Variants in AKAP10 observed in about 807,000 individuals in gnomAD.
AKAP10 encodes A-kinase anchoring protein 10.
AKAP10 carries 24 observed loss-of-function variants against 80.8 expected under a neutral mutation model. That is an observed-to-expected ratio of 0.30 (90% CI 0.22 to 0.42). The LOEUF is 0.42. Among genes scored for constraint, AKAP10 ranks in the 10% least tolerant of loss-of-function variants. The probability of loss-of-function intolerance (pLI) is 1.00; values close to 1 mark genes in which losing one functional copy is unlikely to be tolerated. For synonymous variants in AKAP10, 291 were observed against 277.7 expected (o/e 1.05, Z -0.48); for missense variants, 661 against 794.9 (o/e 0.83, Z 2.03).
At chr17:19,933,320 A>G (rs1028093767) in intron 9 of AKAP10, among the ~76,000 whole-genome samples, 2 of 152,118 alleles carry the variant, frequency 1.3e-5, no homozygotes, top group Admixed American at 6.6e-5. Flanking sequence ...TGCCCGGCCA[A>G]TATGTACCTT....
intron 8 of AKAP10, among the ~76,000 whole-genome samples, 200 bp from the exon 9 acceptor site, chr17:19,936,630 T>C (rs1339715569): frequency 6.6e-6 from 1 of 152,228 alleles, no homozygotes; most frequent in Non-Finnish European, 1.5e-5. Context: ...ACTTGCTACC[T>C]TTCTATCTGC....
chr17:19,909,797 G>A, intron 13 of AKAP10, 129 bp downstream of exon 13: 1 of 738,360 alleles, frequency 1.4e-6, no homozygotes, highest in Non-Finnish European at 2.2e-6. Flanking sequence ...GGTACATTCT[G>A]GGTAAGAGAA....
At chr17:19,942,701 G>A (rs1207203231) in intron 5 of AKAP10, among the ~76,000 whole-genome samples, 2 of 152,164 alleles carry the variant, frequency 1.3e-5, no homozygotes, top group Non-Finnish European at 2.9e-5. Flanking sequence ...GAAACAATTA[G>A]CTATTTAGCT....
intron 1 of AKAP10, among the ~76,000 whole-genome samples, chr17:19,973,913 C>T (rs2043530859): frequency 6.6e-6 from 1 of 152,134 alleles, no homozygotes; most frequent in Admixed American, 6.5e-5. Context: ...ACTAAAAATC[C>T]AAAAATGCAG....
chr17:19,948,737 C>T (rs1175162923), intron 4 of AKAP10, among the ~76,000 whole-genome samples: 2 of 152,122 alleles, frequency 1.3e-5, no homozygotes, highest in Non-Finnish European at 2.9e-5. Flanking sequence ...TGTATGTGCA[C>T]TCCCGGGGCC....
chr17:19,909,404 C>A, intron 13 of AKAP10, 128 bp from the exon 14 acceptor site: 1 of 851,028 alleles, frequency 1.2e-6, no homozygotes. Flanking sequence ...ATTTCATTCC[C>A]ATGTACGAAA....
chr17:19,929,524 G>C (rs532515055), intron 10 of AKAP10: 2 of 152,312 alleles, frequency 1.3e-5, no homozygotes, highest in Admixed American at 6.5e-5. Flanking sequence ...TGCTGTTTTT[G>C]ATCTGGATGC....
At chr17:19,909,410 C>A (rs528693620) in intron 13 of AKAP10, 134 bp from the exon 14 acceptor site, 4 of 784,532 alleles carry the variant, frequency 5.1e-6, no homozygotes, top group Non-Finnish European at 7.6e-6. Context: ...TTCCCATGTA[C>A]GAAAAAACCT....
intron 4 of AKAP10, among the ~76,000 whole-genome samples, chr17:19,949,468 T>C (rs1278912382): frequency 6.6e-6 from 1 of 151,974 alleles, no homozygotes; most frequent in Non-Finnish European, 1.5e-5. Flanking sequence ...AAGTGCAATG[T>C]CAAAAAAATA....
chr17:19,954,019 T>TGA (rs1312962501), intron 4 of AKAP10, among the ~76,000 whole-genome samples: 7 of 152,050 alleles, frequency 4.6e-5, no homozygotes, highest in Admixed American at 3.9e-4. Flanking sequence ...GTGACAGAAG[T>TGA]GAGACTCTGT....
chr17:19,972,396 T>G (rs1223889054), intron 1 of AKAP10, among the ~76,000 whole-genome samples: 1 of 152,228 alleles, frequency 6.6e-6, no homozygotes, highest in Non-Finnish European at 1.5e-5. Context: ...ATGTAAATCT[T>G]CTCTTCTAGA....
Position 19,958,469 on chromosome 17 carries a change from T to C in AKAP10, c.422A>G (p.Gln141Arg). The change falls in exon 4 of 15, where the codon CAA becomes CGA. Residue 141 changes from glutamine (Q) to arginine (R), a missense_variant. By Grantham distance (43) the Gln-to-Arg change is conservative. Transcript: ENST00000225737. ...HDTIVLPYFI[Q>R]FMELRRMEHL... ...CTCCATTCGCCGAAGTTCCATGAATTGAATGAAGTAAGGGAGGACAATAGT... is the reference window on the plus strand; with the variant it reads ...CTCCATTCGCCGAAGTTCCATGAATCGAATGAAGTAAGGGAGGACAATAGT... 6.2e-7 allele frequency: 1 copy of C among 1,614,124 alleles called. No homozygotes were observed. Among genetic ancestry groups the C allele is most frequent in the Non-Finnish European group, 8.5e-7 (1 of 1,180,050 alleles).
chr17:19,976,645 A>T (rs1341826142), intron 1 of AKAP10, among the ~76,000 whole-genome samples: 2 of 151,758 alleles, frequency 1.3e-5, no homozygotes, highest in Non-Finnish European at 2.9e-5. Flanking sequence ...TCAGCCTCCC[A>T]AGTAGCTGGC....
At chr17:19,963,559 T>G (rs1458119057) in intron 2 of AKAP10, among the ~76,000 whole-genome samples, 1 of 152,010 alleles carries the variant, frequency 6.6e-6, no homozygotes, top group Non-Finnish European at 1.5e-5. Flanking sequence ...GGAACAAAAC[T>G]AAAATTGCAG....
At chr17:19,935,147 T>C (rs1409756820) in intron 9 of AKAP10, among the ~76,000 whole-genome samples, 1 of 152,254 alleles carries the variant, frequency 6.6e-6, no homozygotes, top group Non-Finnish European at 1.5e-5. Context: ...TGGTACAACC[T>C]ATTGCTTTTG....
intron 1 of AKAP10, among the ~76,000 whole-genome samples, chr17:19,973,931 C>T (rs533636963): frequency 2.0e-5 from 3 of 152,322 alleles, no homozygotes; most frequent in East Asian, 3.9e-4. Context: ...CAGCCGGGAG[C>T]GGTGGCTCAT....
At chr17:19,958,621 G>A in intron 3 of AKAP10, 50 bp from the exon 4 acceptor site, 1 of 1,482,722 alleles carries the variant, frequency 6.7e-7, no homozygotes. Flanking sequence ...AATAATTTCA[G>A]ATTGACAGAT....
intron 10 of AKAP10, 97 bp downstream of exon 10, chr17:19,931,708 C>T: frequency 7.2e-7 from 1 of 1,393,002 alleles, no homozygotes; most frequent in Non-Finnish European, 9.6e-7. Context: ...TTTTTTTCCA[C>T]AACTTAAAAT....
In AKAP10 at chr17:19,958,164, C is replaced by A. The variant is rs945651497; in HGVS notation, c.727G>T (p.Asp243Tyr). Residue 243 changes from aspartate to tyrosine, a missense_variant, in exon 4 of 15, where the codon GAC becomes TAC. Coordinates refer to ENST00000225737, the MANE Select transcript of AKAP10 (RefSeq NM_007202.4). ...QNHLLLSQEC[D>Y]SAHSLRLEMA... ...TCAAGACGGAGAGAATGGGCACTGTCACATTCCTGGGAAAGCAGCAAGTGA... is the reference window on the plus strand; with the variant it reads ...TCAAGACGGAGAGAATGGGCACTGTAACATTCCTGGGAAAGCAGCAAGTGA... 1 of 1,614,172 alleles carries A rather than the reference C, an allele frequency of 6.2e-7. No homozygotes were observed. The highest frequency in any genetic ancestry group is 8.5e-7 in the Non-Finnish European group (1 of 1,180,034).
Sources: allele counts gnomAD v4.1 joint callset (sites outside exome capture counted in the v4.1 genomes callset), GRCh38; gene constraint gnomAD v4.1.1; transcripts MANE v1.5; gene names NCBI Gene and HGNC (gene_info 2026-07-23, HGNC 2026-07-21).